The following SDK1 variants were observed in gnomAD, a reference collection of about 807,000 sequenced individuals.
SDK1 encodes the protein protein sidekick-1.
In SDK1, 157 loss-of-function variants were observed where a neutral mutation model predicts 245.5. The observed-to-expected ratio is 0.64, with a 90% CI of 0.56 to 0.73. The LOEUF is 0.73. SDK1 is among the 30% of genes least tolerant of loss of function. The pLI is 0.00. For synonymous variants in SDK1, 1,647 were observed against 1,278.5 expected, an observed-to-expected ratio of 1.29 and a Z score of -6.15; for missense variants, 3,583 against 3,002.3, an observed-to-expected ratio of 1.19 and a Z score of -4.52.
intron 1 of SDK1, among the ~76,000 whole-genome samples, chr7:3,353,938 A>G (rs1780726575): frequency 6.6e-6 from 1 of 151,946 alleles, no homozygotes; most frequent in South Asian, 2.1e-4. Flanking sequence ...TTGCTCAGGG[A>G]ACACATTTCA....
chr7:4,034,277 C>T (rs73300923), intron 17 of SDK1, among the ~76,000 whole-genome samples: 2,259 of 152,204 alleles, frequency 0.015, 59 homozygotes, highest in African/African-American at 0.052. Flanking sequence ...ATGCAGCATA[C>T]GATCAAAATT....
chr7:4,124,023 G>A (rs1043664609), intron 25 of SDK1, among the ~76,000 whole-genome samples: 4 of 152,300 alleles, frequency 2.6e-5, no homozygotes, highest in East Asian at 1.9e-4. Flanking sequence ...CCACTGACTC[G>A]CGTCCTGAGG....
At chr7:3,808,112 A>C (rs1445586333) in intron 4 of SDK1, among the ~76,000 whole-genome samples, 1 of 152,134 alleles carries the variant, frequency 6.6e-6, no homozygotes, top group Non-Finnish European at 1.5e-5. Context: ...TGGTTGCTGC[A>C]AGGGAATTTG....
chr7:4,128,799 A>G (rs1784567154), intron 26 of SDK1, among the ~76,000 whole-genome samples: 1 of 136,806 alleles, frequency 7.3e-6, no homozygotes, highest in Non-Finnish European at 1.6e-5. Flanking sequence ...CCTGGAGGAG[A>G]GCACCTTGGG....
At chr7:3,545,765 G>A (rs999592058) in intron 1 of SDK1, among the ~76,000 whole-genome samples, 5 of 152,188 alleles carry the variant, frequency 3.3e-5, no homozygotes, top group Admixed American at 6.5e-5. Flanking sequence ...ACTTCTGGCC[G>A]CTGTTCTGTT....
intron 1 of SDK1, among the ~76,000 whole-genome samples, chr7:3,536,179 C>T (rs933649185): frequency 2.0e-5 from 3 of 151,662 alleles, no homozygotes; most frequent in Non-Finnish European, 4.4e-5. Flanking sequence ...GCCTGAGCCT[C>T]CCAAGTAGCT....
At chr7:3,999,631 A>G (rs1288226209) in intron 14 of SDK1, among the ~76,000 whole-genome samples, 1 of 152,236 alleles carries the variant, frequency 6.6e-6, no homozygotes, top group Non-Finnish European at 1.5e-5. Flanking sequence ...ATGGGAGTTC[A>G]GGAAATTTCC....
intron 39 of SDK1, 48 bp downstream of exon 39, chr7:4,220,318 C>G (rs1245330605): frequency 1.9e-6 from 3 of 1,577,120 alleles, no homozygotes; most frequent in Non-Finnish European, 2.6e-6. Flanking sequence ...ACTTTAGCCT[C>G]CCGCCTCCTG....
At chr7:3,550,031 C>T (rs1779349250) in intron 1 of SDK1, among the ~76,000 whole-genome samples, 1 of 152,002 alleles carries the variant, frequency 6.6e-6, no homozygotes, top group South Asian at 2.1e-4. Flanking sequence ...GCACAGTTAT[C>T]AAAATAATGA....
chr7:4,246,569 G>A (rs1038815272), intron 44 of SDK1, among the ~76,000 whole-genome samples: 4 of 152,046 alleles, frequency 2.6e-5, no homozygotes, highest in East Asian at 3.9e-4. Flanking sequence ...CTGGACATTC[G>A]TTTCCCCCTA....
chr7:3,348,739 T>A (rs1270388050), intron 1 of SDK1, among the ~76,000 whole-genome samples: 1 of 152,210 alleles, frequency 6.6e-6, no homozygotes, highest in African/African-American at 2.4e-5. Flanking sequence ...TTATTTTTTT[T>A]AAATACTCAT....
At chr7:3,357,748 T>C (rs1780844421) in intron 1 of SDK1, among the ~76,000 whole-genome samples, 1 of 152,110 alleles carries the variant, frequency 6.6e-6, no homozygotes, top group South Asian at 2.1e-4. Context: ...GACTTGGTCA[T>C]GACACAGAAA....
chr7:3,902,391 T>C (rs925082757), intron 5 of SDK1, among the ~76,000 whole-genome samples: 2 of 152,236 alleles, frequency 1.3e-5, no homozygotes, highest in African/African-American at 4.8e-5. Flanking sequence ...CAAAATTGTT[T>C]TTGGAATTGC....
chr7:4,201,994 C>T (rs1419039856), intron 35 of SDK1, among the ~76,000 whole-genome samples: 1 of 152,178 alleles, frequency 6.6e-6, no homozygotes, highest in African/African-American at 2.4e-5. Flanking sequence ...TACTCTTTCT[C>T]CTTCCATCTC....
At position 3,913,325 on chromosome 7, in the gene SDK1, G is replaced by A. The variant is rs373088949; in HGVS notation, c.848-37598G>A. ...TTTTTTTTTTTTGAGATGGAGTCTC[G>A]CTCTGTCACCCAGGCTGGAGTGCAG... is the stretch of plus-strand genomic sequence containing the variant. On this transcript the variant is annotated intron_variant, in intron 5 of 44. Transcript: ENST00000404826. 1.9e-4 allele frequency among the ~76,000 whole-genome samples: 26 copies of A among 136,818 alleles called. 1 individual carries two copies. The highest frequency in any genetic ancestry group is 8.4e-4 in the East Asian group (4 of 4,752). 89.8% of individuals were successfully genotyped at this position (136,818 alleles called of 152,430 possible).
chr7:3,936,398 G>A (rs1045088447), intron 5 of SDK1, among the ~76,000 whole-genome samples: 3 of 151,978 alleles, frequency 2.0e-5, no homozygotes, highest in African/African-American at 7.3e-5. Context: ...TGGCTAACAC[G>A]GTGAAACCCC....
chr7:3,873,688 T>A (rs1416142858), intron 5 of SDK1, among the ~76,000 whole-genome samples: 1 of 152,200 alleles, frequency 6.6e-6, no homozygotes, highest in Non-Finnish European at 1.5e-5. Context: ...TATTGACCCA[T>A]CTTCAAGTTC....
intron 11 of SDK1, among the ~76,000 whole-genome samples, chr7:3,970,131 C>G (rs953737774): frequency 6.6e-5 from 10 of 152,208 alleles, no homozygotes; most frequent in African/African-American, 2.4e-4. Flanking sequence ...ATCTGTACTA[C>G]TAAAAACTCA....
At chr7:3,973,666 G>A (rs1312623032) in intron 12 of SDK1, among the ~76,000 whole-genome samples, 1 of 151,942 alleles carries the variant, frequency 6.6e-6, no homozygotes, top group Non-Finnish European at 1.5e-5. Context: ...TCCTCCAGGA[G>A]CATTTACCGG....
Sources: allele counts gnomAD v4.1 joint callset (sites outside exome capture counted in the v4.1 genomes callset), GRCh38; gene constraint gnomAD v4.1.1; transcripts MANE v1.5; gene names NCBI Gene and HGNC (gene_info 2026-07-23, HGNC 2026-07-21).